Variants in PIK3CA observed in about 807,000 individuals in gnomAD.
PIK3CA encodes phosphatidylinositol 4,5-bisphosphate 3-kinase catalytic subunit alpha isoform.
A neutral mutation model predicts 138.2 loss-of-function variants in PIK3CA; 27 were observed. The ratio of observed to expected loss-of-function variants is 0.20; its 90% CI spans 0.14 to 0.27. The LOEUF is 0.27. Ranked by LOEUF, PIK3CA falls within the 10% of genes least tolerant of loss-of-function variation. The probability of loss-of-function intolerance (pLI) is 1.00; values close to 1 mark genes in which losing one functional copy is unlikely to be tolerated. For missense variants in PIK3CA, 544 were observed against 1,277.4 expected (o/e 0.43, Z 8.75); for synonymous variants, 358 against 413.2 (o/e 0.87, Z 1.62).
chr3:179,209,649 T>G lies in PIK3CA; in HGVS notation c.1200T>G (p.Ala400=). 3 of 1,612,738 alleles carry G rather than the reference T, an allele frequency of 1.9e-6. No homozygotes were observed. In the South Asian group the frequency reaches 3.3e-5, roughly 18 times the overall value. ...DIYIPDLPRA[A]RLCLSICSVK... is the part of the protein sequence containing the mutation. The stretch of plus-strand genomic sequence containing the variant: ...ACATTCCTGATCTTCCTCGTGCTGC[T>G]CGACTTTGCCTTTCCATTTGCTCTG... The change falls in exon 7 of 21, where the codon GCT becomes GCG. Residue 400 remains alanine, a synonymous_variant. Transcript: ENST00000263967.
Position 179,238,181 on chromosome 3 carries a change from C to T in PIK3CA, c.*3817C>T, listed in dbSNP as rs945350607. On this transcript the variant is annotated 3_prime_UTR_variant, in exon 21 of 21. Transcript: ENST00000263967. ...AAAGTTGTGAGAGTATATTGTATACCGTAAGAGAATCAACTCTTCATCATG... is the reference window on the plus strand; with the variant it reads ...AAAGTTGTGAGAGTATATTGTATACTGTAAGAGAATCAACTCTTCATCATG... 4 of 221,424 alleles carry T rather than the reference C, an allele frequency of 1.8e-5. No individual in the cohort carries two copies. The highest frequency in any genetic ancestry group is 6.5e-5 in the East Asian group (1 of 15,326). 13.7% of individuals were successfully genotyped at this position (221,424 alleles called of 1,614,324 possible).
intron 1 of PIK3CA, among the ~76,000 whole-genome samples, chr3:179,197,978 CTTAT>C (rs982809067): frequency 2.6e-5 from 4 of 152,118 alleles, no homozygotes; most frequent in Non-Finnish European, 5.9e-5. Context: ...AGTCATGGAT[CTTAT>C]TTATGTGTAG....
intron 1 of PIK3CA, among the ~76,000 whole-genome samples, chr3:179,181,265 A>G (rs1723838158): frequency 6.6e-6 from 1 of 152,184 alleles, no homozygotes; most frequent in Admixed American, 6.5e-5. Flanking sequence ...TACTGGTATC[A>G]GCAATAAGTT....
intron 1 of PIK3CA, among the ~76,000 whole-genome samples, chr3:179,157,963 G>A (rs996291361): frequency 6.6e-6 from 1 of 152,076 alleles, no homozygotes; most frequent in Non-Finnish European, 1.5e-5. Context: ...ATACTTGAAA[G>A]CATTTAGTAA....
rs1232003322 is a variant in PIK3CA, at chr3:179,238,611, G to A, written c.*4247G>A. 2 of 222,360 alleles carry A rather than the reference G, an allele frequency of 9.0e-6. No individual in the cohort carries two copies. The highest frequency in any genetic ancestry group is 1.8e-5 in the Non-Finnish European group (2 of 111,232). The allele number at this position is 222,360 out of a possible 1,614,324, so 13.8% of individuals were successfully genotyped here. On this transcript the variant is annotated 3_prime_UTR_variant, in exon 21 of 21. Coordinates refer to ENST00000263967, the MANE Select transcript of PIK3CA (RefSeq NM_006218.4). The stretch of plus-strand genomic sequence containing the variant: ...ATGCCTTGTTTTTAATGATATGGAA[G>A]ACCTTAAGAAAAAAACTTGGCTGAA...
intron 1 of PIK3CA, among the ~76,000 whole-genome samples, chr3:179,195,665 A>T (rs1053685785): frequency 6.6e-6 from 1 of 152,172 alleles, no homozygotes; most frequent in Admixed American, 6.5e-5. Context: ...AAATAACAGC[A>T]TGGTTATAAT....
intron 9 of PIK3CA, among the ~76,000 whole-genome samples, chr3:179,214,503 C>T (rs985680223): frequency 6.6e-6 from 1 of 152,056 alleles, no homozygotes; most frequent in Non-Finnish European, 1.5e-5. Flanking sequence ...ATGGCACCCC[C>T]AACTGCATCA....
chr3:179,178,639 T>A (rs1009472913), intron 1 of PIK3CA, among the ~76,000 whole-genome samples: 2 of 152,204 alleles, frequency 1.3e-5, no homozygotes, highest in South Asian at 4.1e-4. Context: ...GAATCATCCC[T>A]AGGTTCCATG....
chr3:179,150,480 AAG>A (rs1485286570), intron 1 of PIK3CA, among the ~76,000 whole-genome samples: 12 of 152,216 alleles, frequency 7.9e-5, no homozygotes, highest in East Asian at 3.8e-4. Context: ...GTAAATATAG[AAG>A]AGTGTTTTTA....
At chr3:179,155,061 A>G (rs1723100430) in intron 1 of PIK3CA, among the ~76,000 whole-genome samples, 1 of 152,194 alleles carries the variant, frequency 6.6e-6, no homozygotes, top group Non-Finnish European at 1.5e-5. Flanking sequence ...TGATGTGAAG[A>G]AAAAAACTGT....
chr3:179,192,819 C>T (rs1724167503), intron 1 of PIK3CA, among the ~76,000 whole-genome samples: 1 of 152,222 alleles, frequency 6.6e-6, no homozygotes, highest in African/African-American at 2.4e-5. Flanking sequence ...CTTGCCTTAA[C>T]TAATGAAATC....
At chr3:179,168,646 CTT>C (rs1723476240) in intron 1 of PIK3CA, among the ~76,000 whole-genome samples, 1 of 152,000 alleles carries the variant, frequency 6.6e-6, no homozygotes, top group South Asian at 2.1e-4. Context: ...CTTTTTCACC[CTT>C]GTTTCATTAT....
At chr3:179,167,605 CTATA>C (rs1723452499) in intron 1 of PIK3CA, among the ~76,000 whole-genome samples, 1 of 152,036 alleles carries the variant, frequency 6.6e-6, no homozygotes, top group Non-Finnish European at 1.5e-5. Flanking sequence ...TTCTTTTTAA[CTATA>C]GATAGATTGT....
intron 1 of PIK3CA, among the ~76,000 whole-genome samples, chr3:179,160,945 A>G (rs182745785): frequency 7.9e-5 from 11 of 140,084 alleles, no homozygotes; most frequent in African/African-American, 2.1e-4. Flanking sequence ...AGTTTGTTCA[A>G]TGTTACATAG....
chr3:179,174,323 T>C (rs1723641057), intron 1 of PIK3CA, among the ~76,000 whole-genome samples: 1 of 151,552 alleles, frequency 6.6e-6, no homozygotes, highest in South Asian at 2.1e-4. Flanking sequence ...ACAAAAAAAT[T>C]AGCTGGGCAT....
intron 9 of PIK3CA, among the ~76,000 whole-genome samples, chr3:179,212,017 G>GT (rs900618730): frequency 6.6e-6 from 1 of 151,902 alleles, no homozygotes; most frequent in African/African-American, 2.4e-5. Flanking sequence ...GTTTGTTTTT[G>GT]TTTTTTTGAG....
chr3:179,161,400 A>T (rs1017809696), intron 1 of PIK3CA, among the ~76,000 whole-genome samples: 3 of 152,168 alleles, frequency 2.0e-5, no homozygotes, highest in Admixed American at 6.5e-5. Context: ...AGAAAGAAAC[A>T]TAAATAACAG....
At chr3:179,159,112 C>G (rs560572647) in intron 1 of PIK3CA, among the ~76,000 whole-genome samples, 11 of 152,202 alleles carry the variant, frequency 7.2e-5, no homozygotes, top group African/African-American at 2.6e-4. Flanking sequence ...CAGAAATTAT[C>G]TGCGATTTTT....
At chr3:179,154,077 TA>T (rs1393377595) in intron 1 of PIK3CA, among the ~76,000 whole-genome samples, 5 of 152,232 alleles carry the variant, frequency 3.3e-5, no homozygotes, top group African/African-American at 1.2e-4. Flanking sequence ...AGTTTTAAGT[TA>T]AAATATTCCA....
Sources: gnomAD v4.1 joint callset for allele counts (sites outside exome capture counted in the v4.1 genomes callset) on GRCh38, gnomAD v4.1.1 for gene constraint, MANE v1.5 for transcripts, NCBI Gene and HGNC (gene_info 2026-07-23, HGNC 2026-07-21) for gene names.